Variants in EXOC1 observed in about 807,000 individuals in gnomAD.
The protein encoded by EXOC1 is SEC3-like 1.
A neutral mutation model predicts 107.7 loss-of-function variants in EXOC1; 67 were observed. The observed-to-expected ratio is 0.62, with a 90% CI of 0.51 to 0.76. The LOEUF (loss-of-function observed/expected upper bound fraction) is 0.76. Among genes scored for constraint, EXOC1 ranks in the 30% least tolerant of loss-of-function variants. The probability of loss-of-function intolerance (pLI) is 0.00; values close to 1 mark genes in which losing one functional copy is unlikely to be tolerated. For missense variants in EXOC1, 833 were observed against 1,055.7 expected, an observed-to-expected ratio of 0.79 and a Z score of 2.92; for synonymous variants, 348 against 353.5, an observed-to-expected ratio of 0.98 and a Z score of 0.17.
chr4:55,855,412 T>C (rs1204479586), intron 1 of EXOC1, among the ~76,000 whole-genome samples: 5 of 152,120 alleles, frequency 3.3e-5, no homozygotes, highest in Admixed American at 3.3e-4. Flanking sequence ...TGCTTATAGA[T>C]GTGAAAGTTA....
rs542072630 is a variant in EXOC1, at chr4:55,891,125, T to C, written c.1540-190T>C. Among the ~76,000 whole-genome samples the C allele has an allele frequency of 4.6e-5, 7 of 152,348 alleles. No individual in the cohort carries two copies. In the East Asian group the frequency reaches 1.4e-3, roughly 29 times the overall value. On this transcript the variant is annotated intron_variant, in intron 12 of 18. Transcript: ENST00000381295. ...TTAGGTTTATTTTGTGGCCTTGTTA[T>C]ACCTTGCTAATACCATTGTCCTGTA...
At chr4:55,899,569 A>G (rs2109502905) in intron 16 of EXOC1, 116 bp from the exon 17 acceptor site, 2 of 901,964 alleles carry the variant, frequency 2.2e-6, no homozygotes, top group Admixed American at 2.8e-5. Flanking sequence ...TATTAAGTCC[A>G]GAAATGTGCT....
intron 8 of EXOC1, among the ~76,000 whole-genome samples, chr4:55,874,678 G>T (rs1722735026): frequency 6.6e-6 from 1 of 152,110 alleles, no homozygotes. Context: ...TAATATGAGA[G>T]TAATGTTACA....
chr4:55,879,353 C>T (rs1723179820), intron 9 of EXOC1, among the ~76,000 whole-genome samples: 1 of 152,118 alleles, frequency 6.6e-6, no homozygotes. Context: ...TAAGGATTTC[C>T]AGAGGAGAGC....
intron 2 of EXOC1, 71 bp downstream of exon 2, chr4:55,858,518 T>C: frequency 5.5e-6 from 8 of 1,443,540 alleles, no homozygotes; most frequent in Non-Finnish European, 7.3e-6. Context: ...CCTCTTTGTT[T>C]TGAATATCCT....
intron 18 of EXOC1, 83 bp from the exon 19 acceptor site, chr4:55,904,260 G>T: frequency 7.4e-7 from 1 of 1,342,646 alleles, no homozygotes; most frequent in Non-Finnish European, 9.9e-7. Flanking sequence ...CAAATTCTTA[G>T]AATATGCCTT....
intron 18 of EXOC1, among the ~76,000 whole-genome samples, chr4:55,903,663 A>C (rs1354899368): frequency 6.6e-6 from 1 of 152,210 alleles, no homozygotes; most frequent in Non-Finnish European, 1.5e-5. Context: ...TTAATACTAT[A>C]ATATATTCAT....
intron 16 of EXOC1, among the ~76,000 whole-genome samples, chr4:55,899,055 G>T (rs1179868988): frequency 6.6e-6 from 1 of 151,980 alleles, no homozygotes; most frequent in Non-Finnish European, 1.5e-5. Flanking sequence ...GTTTTACTAG[G>T]TATTACCAAT....
At chr4:55,902,572 G>A (rs1726083857) in intron 18 of EXOC1, 34 bp downstream of exon 18, 1 of 1,433,580 alleles carries the variant, frequency 7.0e-7, no homozygotes, top group Admixed American at 2.8e-5. Flanking sequence ...CTGACTTAAA[G>A]ATCCTTACAT....
intron 7 of EXOC1, 85 bp from the exon 8 acceptor site, chr4:55,871,764 A>G: frequency 8.0e-7 from 1 of 1,252,490 alleles, no homozygotes; most frequent in Non-Finnish European, 1.1e-6. Context: ...GTTCTTCAAA[A>G]CGTTAGATAC....
At chr4:55,876,583 G>T (rs1722913068) in intron 8 of EXOC1, 5 of 984,692 alleles carry the variant, frequency 5.1e-6, no homozygotes, top group Non-Finnish European at 6.0e-6. Context: ...AGGGATTATG[G>T]ACCTATTAAT....
rs1178409264 is a variant in EXOC1, at chr4:55,858,340, A to G, written c.17A>G (p.His6Arg). MTAIK[H>R]ALQRDIFTPN... The stretch of plus-strand genomic sequence containing the variant: ...TGAGAAAAGATGACAGCAATCAAGC[A>G]TGCATTACAAAGAGACATTTTTACA... Residue 6 changes from histidine to arginine, a missense_variant, in exon 2 of 19, where the codon CAT becomes CGT. Physicochemically the swap from His to Arg is conservative, Grantham distance 29. Transcript: ENST00000381295. 1 of 1,607,864 alleles carries G rather than the reference A, an allele frequency of 6.2e-7. No homozygotes were observed. Among genetic ancestry groups the G allele is most frequent in the Non-Finnish European group, 8.5e-7 (1 of 1,177,408 alleles).
intron 9 of EXOC1, chr4:55,883,009 A>G (rs1170410350): frequency 1.3e-5 from 2 of 152,102 alleles, no homozygotes; most frequent in African/African-American, 4.8e-5. Context: ...GTATATTTTT[A>G]TGTGATAATA....
intron 8 of EXOC1, among the ~76,000 whole-genome samples, chr4:55,874,010 T>A (rs545426946): frequency 7.0e-4 from 107 of 152,306 alleles, no homozygotes; most frequent in African/African-American, 2.5e-3. Flanking sequence ...TTAAGACTAA[T>A]GTACATTAGC....
chr4:55,902,343 G>A lies in EXOC1; in HGVS notation c.2338-1G>A. On this transcript the variant is annotated splice_acceptor_variant, in intron 17 of 18. Coordinates refer to ENST00000381295, the MANE Select transcript of EXOC1 (RefSeq NM_001024924.2). LOFTEE classifies it high-confidence loss of function. The stretch of plus-strand genomic sequence containing the variant: ...CATTGTTTCTTTTCATTTCCTTGAA[G>A]CATTTCTTTGAAGGTGTTGAAGCTC... The A allele has an allele frequency of 2.8e-6, 4 of 1,435,752 alleles. No homozygotes were observed. The highest frequency in any genetic ancestry group is 1.7e-5 in the South Asian group (1 of 59,700). The allele number at this position is 1,435,752 out of a possible 1,614,324, so 88.9% of individuals were successfully genotyped here. A position where few individuals can be genotyped will look rare whatever the true frequency, so the allele number is the denominator to read the frequency against.
intron 17 of EXOC1, 38 bp from the exon 18 acceptor site, chr4:55,902,306 G>A: frequency 7.4e-7 from 1 of 1,357,038 alleles, no homozygotes; most frequent in South Asian, 2.2e-5. Context: ...AATAATAAAT[G>A]CAGGTCTTAG....
intron 10 of EXOC1, chr4:55,885,501 A>G (rs1723790387): frequency 6.6e-6 from 1 of 152,160 alleles, no homozygotes; most frequent in South Asian, 2.1e-4. Flanking sequence ...TTGTAGTTTT[A>G]TAAGTGTTAA....
chr4:55,886,368 C>T (rs1385640483), intron 10 of EXOC1, among the ~76,000 whole-genome samples: 1 of 151,784 alleles, frequency 6.6e-6, no homozygotes, highest in Non-Finnish European at 1.5e-5. Flanking sequence ...GCCTTGGTAA[C>T]ATGGCAAAAC....
At chr4:55,903,336 A>T (rs1252772971) in intron 18 of EXOC1, among the ~76,000 whole-genome samples, 1 of 152,006 alleles carries the variant, frequency 6.6e-6, no homozygotes, top group Non-Finnish European at 1.5e-5. Flanking sequence ...AGTGAGAGTA[A>T]TTCTGATTTC....
Sources: allele counts gnomAD v4.1 joint callset (sites outside exome capture counted in the v4.1 genomes callset), GRCh38; gene constraint gnomAD v4.1.1; transcripts MANE v1.5; gene names NCBI Gene and HGNC (gene_info 2026-07-23, HGNC 2026-07-21).